PPFIA2: variants seen among roughly 807,000 people sequenced by gnomAD.
PPFIA2 encodes the protein PPFI scaffold protein A2, also known as liprin-alpha-2.
PPFIA2 carries 46 observed loss-of-function variants against 175.5 expected under a neutral mutation model. The observed-to-expected ratio is 0.26, with a 90% confidence interval of 0.21 to 0.34. PPFIA2 has a LOEUF of 0.34. Ranked by LOEUF, PPFIA2 falls within the 10% of genes least tolerant of loss-of-function variation. PPFIA2 has a pLI of 1.00. For synonymous variants in PPFIA2, 568 were observed against 511.4 expected, an observed-to-expected ratio of 1.11 and a Z score of -1.49; for missense variants, 1,179 against 1,506.1, an observed-to-expected ratio of 0.78 and a Z score of 3.60.
At chr12:81,271,250 C>A (rs2039008988) in intron 28 of PPFIA2, among the ~76,000 whole-genome samples, 1 of 151,814 alleles carries the variant, frequency 6.6e-6, no homozygotes, top group Admixed American at 6.6e-5. Flanking sequence ...TTATTTTATT[C>A]TACCACTCCA....
chr12:81,409,903 T>G (rs1253171595), intron 7 of PPFIA2, among the ~76,000 whole-genome samples: 1 of 152,164 alleles, frequency 6.6e-6, no homozygotes, highest in African/African-American at 2.4e-5. Flanking sequence ...TGGGGACAAC[T>G]GCTATGGTTT....
intron 4 of PPFIA2, among the ~76,000 whole-genome samples, chr12:81,550,485 G>C (rs1237461274): frequency 6.6e-6 from 1 of 152,002 alleles, no homozygotes; most frequent in South Asian, 2.1e-4. Context: ...GGGGATTTAA[G>C]TGATATATTT....
chr12:81,729,998 AT>A (rs768597511), intron 3 of PPFIA2, among the ~76,000 whole-genome samples: 2 of 151,558 alleles, frequency 1.3e-5, no homozygotes, highest in African/African-American at 2.4e-5. Context: ...TGACACCTTA[AT>A]TTTAGCTCTG....
At chr12:81,335,262 T>C (rs1283827994) in intron 21 of PPFIA2, among the ~76,000 whole-genome samples, 2 of 152,212 alleles carry the variant, frequency 1.3e-5, no homozygotes, top group Middle Eastern at 3.4e-3. Flanking sequence ...ATGCATTGCA[T>C]ATGGATGCAT....
intron 4 of PPFIA2, among the ~76,000 whole-genome samples, chr12:81,625,670 G>A (rs1246679619): frequency 6.6e-6 from 1 of 151,410 alleles, no homozygotes; most frequent in African/African-American, 2.4e-5. Context: ...ATTATATTTG[G>A]ACATCTAATT....
chr12:81,623,584 C>T (rs572951520), intron 4 of PPFIA2, among the ~76,000 whole-genome samples: 2 of 151,974 alleles, frequency 1.3e-5, no homozygotes, highest in African/African-American at 2.4e-5. Context: ...GGACTGTCAC[C>T]GCTTCCTTTT....
intron 13 of PPFIA2, among the ~76,000 whole-genome samples, chr12:81,367,738 C>T (rs17008439): frequency 0.05 from 7,519 of 151,594 alleles, 256 homozygotes; most frequent in South Asian, 0.096. Context: ...AAGTTGGCAT[C>T]ATAGATACTT....
intron 4 of PPFIA2, among the ~76,000 whole-genome samples, chr12:81,468,184 C>G (rs1215678271): frequency 6.6e-6 from 1 of 152,156 alleles, no homozygotes; most frequent in Non-Finnish European, 1.5e-5. Context: ...AACAGAGGAA[C>G]CAACCTACTT....
At chr12:81,620,970 G>T in intron 4 of PPFIA2, among the ~76,000 whole-genome samples, 1 of 152,078 alleles carries the variant, frequency 6.6e-6, no homozygotes, top group East Asian at 1.9e-4. Context: ...TATATGAATT[G>T]GTGTGGAATG....
intron 4 of PPFIA2, among the ~76,000 whole-genome samples, chr12:81,610,103 TC>T (rs2060736641): frequency 6.6e-6 from 1 of 152,180 alleles, no homozygotes; most frequent in African/African-American, 2.4e-5. Flanking sequence ...CCCTATCTCT[TC>T]CGGCAAGTAG....
chr12:81,502,799 T>A (rs1057391054), intron 4 of PPFIA2, among the ~76,000 whole-genome samples: 2 of 152,176 alleles, frequency 1.3e-5, no homozygotes, highest in East Asian at 3.8e-4. Flanking sequence ...TCTTTCCTTT[T>A]ATCCTCACTC....
intron 3 of PPFIA2, among the ~76,000 whole-genome samples, chr12:81,703,537 A>G (rs942621856): frequency 6.6e-6 from 1 of 152,018 alleles, no homozygotes; most frequent in Admixed American, 6.6e-5. Flanking sequence ...AAACTAAAAT[A>G]TGTCCCTCAC....
chr12:81,528,649 C>A (rs1041235779), intron 4 of PPFIA2, among the ~76,000 whole-genome samples: 1 of 151,980 alleles, frequency 6.6e-6, no homozygotes, highest in Non-Finnish European at 1.5e-5. Flanking sequence ...AATAAATACA[C>A]AGAAAAATAA....
At chr12:81,528,410 T>C (rs1040899295) in intron 4 of PPFIA2, among the ~76,000 whole-genome samples, 1 of 152,130 alleles carries the variant, frequency 6.6e-6, no homozygotes, top group Non-Finnish European at 1.5e-5. Context: ...ACGCACTTTA[T>C]ATAGTCTAGA....
At chr12:81,624,852 T>TA (rs960673032) in intron 4 of PPFIA2, among the ~76,000 whole-genome samples, 10 of 150,608 alleles carry the variant, frequency 6.6e-5, no homozygotes, top group African/African-American at 2.2e-4. Flanking sequence ...TGACCAGGGA[T>TA]AAAAAACTAC....
rs139812860 is a variant in PPFIA2, at chr12:81,682,952, G to A, written c.250-6108C>T. On this transcript the variant is annotated intron_variant, in intron 3 of 32. Transcript: ENST00000549396. ...TTTTGGCTTTCATTTATTTTCACCC[G>A]CTACATGATTTTATTTAGTACTGTG... 3.5e-3 allele frequency among the ~76,000 whole-genome samples: 525 copies of A among 151,940 alleles called. 2 individuals carry two copies. Among genetic ancestry groups the A allele is most frequent in the Non-Finnish European group, 6.0e-3 (407 of 67,928 alleles).
intron 4 of PPFIA2, among the ~76,000 whole-genome samples, chr12:81,582,382 A>G (rs1484638290): frequency 6.6e-6 from 1 of 151,840 alleles, no homozygotes; most frequent in Non-Finnish European, 1.5e-5. Flanking sequence ...AGCATTTCAT[A>G]TTAAATATTT....
intron 4 of PPFIA2, among the ~76,000 whole-genome samples, chr12:81,629,968 C>T (rs150662302): frequency 6.6e-6 from 1 of 152,088 alleles, no homozygotes; most frequent in Non-Finnish European, 1.5e-5. Context: ...ATTCAGTGGT[C>T]CCAATGCAAT....
chr12:81,715,531 G>A (rs989835203), intron 3 of PPFIA2, among the ~76,000 whole-genome samples: 2 of 151,664 alleles, frequency 1.3e-5, no homozygotes. Flanking sequence ...CAAGCTTTAC[G>A]TGCTTTTTCT....
Sources: gnomAD v4.1 joint callset for allele counts (sites outside exome capture counted in the v4.1 genomes callset) on GRCh38, gnomAD v4.1.1 for gene constraint, MANE v1.5 for transcripts, NCBI Gene and HGNC (gene_info 2026-07-23, HGNC 2026-07-21) for gene names.